Variants in WWOX observed in about 807,000 individuals in gnomAD.
WWOX encodes WW domain-containing oxidoreductase.
In WWOX, 69 loss-of-function variants were observed where a neutral mutation model predicts 46.2. The observed-to-expected ratio is 1.49, with a 90% confidence interval of 1.23 to 1.82. The LOEUF is 1.82. Ranked by LOEUF, WWOX falls within the 40% of genes most tolerant of loss-of-function variation. WWOX has a pLI of 0.00. For missense variants in WWOX, 919 were observed against 542.6 expected, an observed-to-expected ratio of 1.69 and a Z score of -6.89; for synonymous variants, 359 against 202.6, an observed-to-expected ratio of 1.77 and a Z score of -6.56.
rs1315454045 is a variant in WWOX at position 78,099,929 on chromosome 16, C to A, written c.107+44C>A. On this transcript the variant is annotated intron_variant, in intron 1 of 8. Coordinates refer to ENST00000566780, the MANE Select transcript of WWOX (RefSeq NM_016373.4). ...GGCCGCGGACGCACCTGGGACCCTG[C>A]ACAGCCCACGGACGCCACCTGCGCG... 3 of 1,545,008 alleles carry A rather than the reference C, an allele frequency of 1.9e-6. No homozygotes were observed. The African/African-American group carries it at 4.1e-5, about 21-fold the overall frequency.
At chr16:78,896,055 C>G (rs1363282509) in intron 8 of WWOX, 1 of 151,928 alleles carries the variant, frequency 6.6e-6, no homozygotes, top group East Asian at 1.9e-4. Context: ...GAGTAATAAC[C>G]AAAGATATTT....
At chr16:78,837,570 C>T (rs1440373892) in intron 8 of WWOX, among the ~76,000 whole-genome samples, 1 of 152,098 alleles carries the variant, frequency 6.6e-6, no homozygotes, top group Non-Finnish European at 1.5e-5. Context: ...TATTTTCTAG[C>T]AGTGCAAGAT....
chr16:78,483,375 A>G (rs1339398494), intron 8 of WWOX, among the ~76,000 whole-genome samples: 1 of 135,390 alleles, frequency 7.4e-6, no homozygotes, highest in African/African-American at 2.7e-5. Context: ...GACATGGAAG[A>G]TTTTTTTTTT....
In WWOX at chr16:78,595,054, C is replaced by T. The variant is rs183587126; in HGVS notation, c.1056+162302C>T. 1.4e-3 allele frequency among the ~76,000 whole-genome samples: 210 copies of T among 152,276 alleles called. 1 individual carries two copies. The highest frequency in any genetic ancestry group is 3.5e-3 in the South Asian group (17 of 4,826). On this transcript the variant is annotated intron_variant, in intron 8 of 8. Coordinates refer to ENST00000566780, the MANE Select transcript of WWOX (RefSeq NM_016373.4). ...TTTGGGAAAGCACTTTGTCAAGAGG[C>T]TTGGGGACCCCAGGGTGGAAGCTGC...
chr16:78,254,174 G>A (rs1372605389), intron 5 of WWOX, among the ~76,000 whole-genome samples: 2 of 152,032 alleles, frequency 1.3e-5, no homozygotes, highest in Middle Eastern at 6.8e-3. Flanking sequence ...AGGCTCAAGC[G>A]ATCCTCCTGC....
intron 5 of WWOX, among the ~76,000 whole-genome samples, chr16:78,333,847 C>T (rs867523570): frequency 2.0e-5 from 3 of 152,186 alleles, no homozygotes; most frequent in South Asian, 4.1e-4. Context: ...TAAGAAGTTT[C>T]ATTTAAGGTA....
At chr16:79,166,475 T>C (rs2050596816) in intron 8 of WWOX, among the ~76,000 whole-genome samples, 1 of 152,162 alleles carries the variant, frequency 6.6e-6, no homozygotes, top group Admixed American at 6.5e-5. Flanking sequence ...TCATAGACCA[T>C]CCTATTTTTC....
intron 5 of WWOX, among the ~76,000 whole-genome samples, chr16:78,316,805 C>T (rs1450067175): frequency 6.6e-6 from 1 of 152,172 alleles, no homozygotes; most frequent in African/African-American, 2.4e-5. Flanking sequence ...ACTGCTAGCT[C>T]TAGTATTTTT....
intron 8 of WWOX, chr16:79,101,491 A>G (rs567619530): frequency 6.6e-6 from 1 of 151,982 alleles, no homozygotes; most frequent in Non-Finnish European, 1.5e-5. Flanking sequence ...AAAAATGCCT[A>G]CTCCCTATTC....
chr16:79,087,401 C>G (rs544704605), intron 8 of WWOX, among the ~76,000 whole-genome samples: 1 of 152,226 alleles, frequency 6.6e-6, no homozygotes, highest in African/African-American at 2.4e-5. Flanking sequence ...TCCGTAGACA[C>G]CACTGTGTTT....
intron 5 of WWOX, among the ~76,000 whole-genome samples, chr16:78,358,664 T>C (rs2081346872): frequency 1.1e-5 from 1 of 87,846 alleles, no homozygotes; most frequent in South Asian, 3.9e-4. Context: ...TGTCAAAAAA[T>C]AAATAATATG....
At chr16:78,455,643 CAAAAAAAAAAAA>C (rs57754374) in intron 8 of WWOX, among the ~76,000 whole-genome samples, 4 of 60,506 alleles carry the variant, frequency 6.6e-5, no homozygotes, top group African/African-American at 1.4e-4. Flanking sequence ...GACTCTGTCT[CAAAAAAAAAAAA>C]AAAAAAAAAA....
intron 8 of WWOX, among the ~76,000 whole-genome samples, chr16:78,706,689 C>T (rs1029088811): frequency 1.3e-5 from 2 of 152,190 alleles, no homozygotes; most frequent in South Asian, 2.1e-4. Context: ...GCTGCTCTTT[C>T]TCGATCCTTG....
At chr16:78,814,425 C>G (rs2051278542) in intron 8 of WWOX, among the ~76,000 whole-genome samples, 1 of 151,818 alleles carries the variant, frequency 6.6e-6, no homozygotes, top group African/African-American at 2.4e-5. Context: ...CCTTACATCC[C>G]CTAATAAAAC....
At chr16:79,063,512 C>A (rs961326439) in intron 8 of WWOX, among the ~76,000 whole-genome samples, 1 of 152,170 alleles carries the variant, frequency 6.6e-6, no homozygotes, top group Non-Finnish European at 1.5e-5. Context: ...CAAAACCAAA[C>A]AAAAGCCTGC....
intron 5 of WWOX, among the ~76,000 whole-genome samples, chr16:78,225,360 G>A (rs1385675437): frequency 2.0e-5 from 3 of 152,250 alleles, no homozygotes; most frequent in Middle Eastern, 6.8e-3. Context: ...TGAAATGTTG[G>A]TATGAGGTGT....
rs754689899 is a variant in WWOX, at chr16:78,425,070, C to T, written c.791+15C>T. ...GAGTCCCATCGGTGGGTTTGAATTG[C>T]ATATTTGTTCACTTATCCCCTTTCT... is the stretch of plus-strand genomic sequence containing the variant. On this transcript the variant is annotated intron_variant, in intron 7 of 8. Coordinates refer to ENST00000566780, the MANE Select transcript of WWOX (RefSeq NM_016373.4). 2 of 1,612,724 alleles carry T rather than the reference C, an allele frequency of 1.2e-6. No individual in the cohort carries two copies. The highest frequency in any genetic ancestry group is 1.1e-5 in the South Asian group (1 of 91,022).
intron 8 of WWOX, among the ~76,000 whole-genome samples, chr16:79,093,593 G>A (rs1472654451): frequency 2.6e-5 from 4 of 152,082 alleles, no homozygotes; most frequent in Non-Finnish European, 4.4e-5. Flanking sequence ...TTCCCAGCAG[G>A]CCTCCAGTGC....
chr16:78,686,355 C>T (rs902435803), intron 8 of WWOX, among the ~76,000 whole-genome samples: 15 of 152,006 alleles, frequency 9.9e-5, no homozygotes, highest in Non-Finnish European at 1.9e-4. Flanking sequence ...ACTAAAAATA[C>T]AAAAAATTAG....
Sources: gnomAD v4.1 joint callset for allele counts (sites outside exome capture counted in the v4.1 genomes callset) on GRCh38, gnomAD v4.1.1 for gene constraint, MANE v1.5 for transcripts, NCBI Gene and HGNC (gene_info 2026-07-23, HGNC 2026-07-21) for gene names.